Variants in BCAT2 observed in about 807,000 individuals in gnomAD.
BCAT2 encodes branched chain amino acid transaminase 2.
A neutral mutation model predicts 52.9 loss-of-function variants in BCAT2; 44 were observed. The ratio of observed to expected loss-of-function variants is 0.83; its 90% CI spans 0.65 to 1.07. BCAT2 has a LOEUF of 1.07. Among genes scored for constraint, BCAT2 ranks in the 50% least tolerant of loss-of-function variants. The pLI is 0.00. For missense variants in BCAT2, 478 were observed against 521.8 expected (o/e 0.92, Z 0.82); for synonymous variants, 215 against 217.1 (o/e 0.99, Z 0.08).
At position 48,796,578 on chromosome 19, in the gene BCAT2, CCT is replaced by C; in HGVS notation, c.1063_1064del (p.Arg355GlufsTer12). Reference sequence around the variant, plus strand: ...ACCCACAATGGCAGCCCCGCCTCACCCTGTCTTTGTACAGGATTCGGTGCACT... The same window carrying C: ...ACCCACAATGGCAGCCCCGCCTCACCGTCTTTGTACAGGATTCGGTGCACT... ...CPVHRILYKDRNLHIPTMENG... is the reference protein window; with the variant it reads ...CPVHRILYKDXNLHIPTMENG... On this transcript the variant is annotated frameshift_variant and splice_region_variant, in exon 9 of 11. Coordinates refer to ENST00000316273, the MANE Select transcript of BCAT2 (RefSeq NM_001190.4). LOFTEE classifies it high-confidence loss of function. 6.2e-7 allele frequency: 1 copy of C among 1,612,882 alleles called. No individual in the cohort carries two copies. The highest frequency in any genetic ancestry group is 8.5e-7 in the Non-Finnish European group (1 of 1,179,728).
intron 1 of BCAT2, among the ~76,000 whole-genome samples, chr19:48,809,066 CAAAAAAAAA>C (rs3057799): frequency 0.013 from 374 of 28,960 alleles, 6 homozygotes; most frequent in African/African-American, 0.041. Flanking sequence ...GAGTGTCTCT[CAAAAAAAAA>C]AAAAAAAAAA....
intron 7 of BCAT2, 52 bp from the exon 8 acceptor site, chr19:48,797,074 C>T: frequency 6.2e-7 from 1 of 1,611,686 alleles, no homozygotes; most frequent in Non-Finnish European, 8.5e-7. Context: ...CCTAGCACCG[C>T]CGTCTTAAGA....
intron 1 of BCAT2, among the ~76,000 whole-genome samples, chr19:48,810,022 G>A (rs1408299819): frequency 6.6e-6 from 1 of 152,070 alleles, no homozygotes; most frequent in Non-Finnish European, 1.5e-5. Flanking sequence ...ACTGTGCCAT[G>A]ATGAGACGGT....
Position 48,800,095 on chromosome 19 carries a change from G to A in BCAT2, c.417C>T (p.Phe139=), listed in dbSNP as rs145585685. 73 of 1,613,804 alleles carry A rather than the reference G, an allele frequency of 4.5e-5. No homozygotes were observed. Among genetic ancestry groups the A allele is most frequent in the Non-Finnish European group, 5.7e-5 (67 of 1,179,884 alleles). Residue 139 remains phenylalanine, a synonymous_variant, in exon 5 of 11, where the codon TTC becomes TTT. Coordinates refer to ENST00000316273, the MANE Select transcript of BCAT2 (RefSeq NM_001190.4). ...TGCACTCCAGCAACTCCAGCTTGTC[G>A]AAACTCTGGGTGGGATTCTGAATGA... is the stretch of plus-strand genomic sequence containing the variant. The part of the protein sequence containing the change: ...RSAMRLCLPS[F]DKLELLECIR...
chr19:48,798,335 A>G (rs1011548552), intron 6 of BCAT2, among the ~76,000 whole-genome samples: 10 of 152,166 alleles, frequency 6.6e-5, no homozygotes, highest in African/African-American at 2.4e-4. Flanking sequence ...TCCCAGAGAT[A>G]GCCTCTCCCC....
In BCAT2 at chr19:48,799,205, C is replaced by T. The variant is rs73587821; in HGVS notation, c.695+470G>A. The T allele has an allele frequency of 3.9e-3, 603 of 154,540 alleles. 4 individuals are homozygous for T. Among genetic ancestry groups the T allele is most frequent in the African/African-American group, 0.014 (571 of 41,678 alleles). The allele number at this position is 154,540 out of a possible 1,614,324, so 9.6% of individuals were successfully genotyped here. ...TGCCTTGGTTGCCCAGGAGACCCAGCTGTCTCCTTCCTGCCCTGCTGAGCT... is the reference window on the plus strand; with the variant it reads ...TGCCTTGGTTGCCCAGGAGACCCAGTTGTCTCCTTCCTGCCCTGCTGAGCT... On this transcript the variant is annotated intron_variant, in intron 6 of 10. Transcript: ENST00000316273. This position sits in a 1 kb window ranked among gnomAD's most constrained non-coding sequence, Gnocchi z 5.5.
In BCAT2 at chr19:48,800,095, G is replaced by GA. The variant is rs777954907; in HGVS notation, c.416dup (p.Asp140ArgfsTer111). On this transcript the variant is annotated frameshift_variant, in exon 5 of 11. Coordinates refer to ENST00000316273, the MANE Select transcript of BCAT2 (RefSeq NM_001190.4). LOFTEE classifies it high-confidence loss of function. Reference sequence around the variant, plus strand: ...TGCACTCCAGCAACTCCAGCTTGTCGAAACTCTGGGTGGGATTCTGAATGA... The same window carrying GA: ...TGCACTCCAGCAACTCCAGCTTGTCGAAAACTCTGGGTGGGATTCTGAATGA... 6 of 1,613,806 alleles carry GA rather than the reference G, an allele frequency of 3.7e-6. No homozygotes were observed. The African/African-American group carries it at 8.0e-5, about 22-fold the overall frequency.
At chr19:48,795,937 C>T (rs1375880537) in intron 10 of BCAT2, 3 of 258,468 alleles carry the variant, frequency 1.2e-5, no homozygotes. Flanking sequence ...AGGAAGCTTT[C>T]TCCGGCCAAA....
In BCAT2 at chr19:48,810,892, G is replaced by A. The variant is rs914003847; in HGVS notation, c.24+92C>T. ...GGAACCCCAGGGCGGGAGGAGCGGC[G>A]CCGAGTCGGACCGGCTGCAGGCCAG... On this transcript the variant is annotated intron_variant, in intron 1 of 10. Transcript: ENST00000316273. The A allele has an allele frequency of 4.5e-6, 7 of 1,552,714 alleles. No homozygotes were observed. In the Admixed American group the frequency reaches 1.2e-4, roughly 26 times the overall value.
chr19:48,810,754 ACCT>A, intron 1 of BCAT2: 1 of 646,820 alleles, frequency 1.5e-6, no homozygotes, highest in Non-Finnish European at 1.8e-6. Flanking sequence ...TTTTTTTTTT[ACCT>A]CCCCGCCAAT....
chr19:48,810,991 A>G lies in BCAT2; in HGVS notation c.17T>C (p.Leu6Pro). Reference protein sequence around the residue: MAAAALGQIWARKLLS... With the variant: MAAAAPGQIWARKLLS... ...GCGGGGCTGCGAACCCACCTGCCCC[A>G]GAGCGGCTGCGGCCATGATCCGTGC... is the stretch of plus-strand genomic sequence containing the variant. Residue 6 changes from leucine to proline, a missense_variant, in exon 1 of 11, where the codon CTG becomes CCG. Physicochemically the swap from Leu to Pro is moderately conservative, Grantham distance 98. Transcript: ENST00000316273. 2 of 1,608,432 alleles carry G rather than the reference A, an allele frequency of 1.2e-6. No homozygotes were observed. The highest frequency in any genetic ancestry group is 1.7e-6 in the Non-Finnish European group (2 of 1,178,202).
At position 48,803,817 on chromosome 19, in the gene BCAT2, A is replaced by T. The variant is rs574254871; in HGVS notation, c.300+2700T>A. On this transcript the variant is annotated intron_variant, in intron 3 of 10. Transcript: ENST00000316273. ...GGGGATTAAACAGTTCTGAACCTTG[A>T]TGGTGCTGATGGTTGCATAACATTG... 6.6e-5 allele frequency among the ~76,000 whole-genome samples: 10 copies of T among 152,292 alleles called. No individual in the cohort carries two copies. The South Asian group carries it at 1.9e-3, about 28-fold the overall frequency.
chr19:48,800,673 G>T lies in BCAT2; in HGVS notation c.301-376C>A, dbSNP rs901803092. ...CAAAAAATACGAAAATTAGCCAGACGTGGTAGCACGTGACTGGAGTCCCAG... is the reference window on the plus strand; with the variant it reads ...CAAAAAATACGAAAATTAGCCAGACTTGGTAGCACGTGACTGGAGTCCCAG... On this transcript the variant is annotated intron_variant, in intron 3 of 10. Coordinates refer to ENST00000316273, the MANE Select transcript of BCAT2 (RefSeq NM_001190.4). Among the ~76,000 whole-genome samples the T allele has an allele frequency of 3.3e-5, 5 of 152,156 alleles. 1 individual carries two copies. In the South Asian group the frequency reaches 1.0e-3, roughly 31 times the overall value.
intron 2 of BCAT2, 131 bp from the exon 3 acceptor site, chr19:48,806,848 G>A (rs1409544401): frequency 7.2e-7 from 1 of 1,383,374 alleles, no homozygotes; most frequent in East Asian, 2.4e-5. Flanking sequence ...TCTGGGACAT[G>A]CAGTTTCATC....
rs756816829 is a variant in BCAT2 at position 48,806,590 on chromosome 19, C to T, written c.227G>A (p.Gly76Asp). 6 of 1,614,036 alleles carry T rather than the reference C, an allele frequency of 3.7e-6. No individual in the cohort carries two copies. The highest frequency in any genetic ancestry group is 5.1e-6 in the Non-Finnish European group (6 of 1,180,030). ...LMVEWNDKGW[G>D]QPRIQPFQNL... ...CTGGAAGGGCTGGATTCGGGGCTGG[C>T]CCCAGCCCTTGTCATTCCATTCCAC... The change falls in exon 3 of 11, where the codon GGC becomes GAC. Residue 76 changes from glycine (G) to aspartate (D), a missense_variant. Transcript: ENST00000316273.
intron 3 of BCAT2, among the ~76,000 whole-genome samples, chr19:48,801,573 T>C (rs2034658726): frequency 6.6e-6 from 1 of 152,000 alleles, no homozygotes; most frequent in African/African-American, 2.4e-5. Context: ...AAAATATATA[T>C]ATATATATTA....
chr19:48,797,439 T>G (rs1295831707), intron 6 of BCAT2, 106 bp from the exon 7 acceptor site: 1 of 1,393,030 alleles, frequency 7.2e-7, no homozygotes, highest in Non-Finnish European at 9.8e-7. Flanking sequence ...TGCTCACAGC[T>G]CTCACAGGGC....
chr19:48,810,815 A>G (rs1239091445), intron 1 of BCAT2, 169 bp downstream of exon 1: 3 of 1,457,032 alleles, frequency 2.1e-6, no homozygotes, highest in Non-Finnish European at 2.7e-6. Context: ...TCACCCCATT[A>G]AAGCCTCGTG....
At chr19:48,795,494 T>G in intron 10 of BCAT2, 30 bp from the exon 11 acceptor site, 1 of 1,612,680 alleles carries the variant, frequency 6.2e-7, no homozygotes, top group Non-Finnish European at 8.5e-7. Context: ...GTGCGTGAGG[T>G]GGAAGCTGCA....
Sources: allele counts gnomAD v4.1 joint callset (sites outside exome capture counted in the v4.1 genomes callset), GRCh38; gene constraint gnomAD v4.1.1; non-coding constraint Gnocchi (gnomAD v3.1); transcripts MANE v1.5; gene names NCBI Gene and HGNC (gene_info 2026-07-23, HGNC 2026-07-21).